The following ACBD7 variants were observed in gnomAD, a reference collection of about 807,000 sequenced individuals.
The protein encoded by ACBD7 is acyl-CoA-binding domain-containing protein 7.
A neutral mutation model predicts 13.7 loss-of-function variants in ACBD7; 11 were observed. The ratio of observed to expected loss-of-function variants is 0.80; its 90% confidence interval spans 0.50 to 1.33. The LOEUF (loss-of-function observed/expected upper bound fraction) is 1.33, where lower values mean the gene tolerates loss of function less well. Among genes scored for constraint, ACBD7 ranks in the 40% most tolerant of loss-of-function variants. The pLI, the probability that ACBD7 is intolerant of heterozygous loss-of-function variation, is 0.00. For missense variants in ACBD7, 111 were observed against 103.0 expected, an observed-to-expected ratio of 1.08 and a Z score of -0.33; for synonymous variants, 43 against 37.7, an observed-to-expected ratio of 1.14 and a Z score of -0.51.
At chr10:15,081,043 G>A (rs1004371396) in intron 1 of ACBD7, among the ~76,000 whole-genome samples, 2 of 152,134 alleles carry the variant, frequency 1.3e-5, no homozygotes, top group Non-Finnish European at 2.9e-5. Context: ...AGTACCCTGC[G>A]GGCTCAGCGG....
intron 1 of ACBD7, among the ~76,000 whole-genome samples, chr10:15,086,114 C>T (rs913894044): frequency 2.0e-5 from 3 of 151,996 alleles, no homozygotes; most frequent in Non-Finnish European, 4.4e-5. Context: ...TCAAGACCAG[C>T]CTGGCCAACA....
chr10:15,086,023 T>G (rs1235319383), intron 1 of ACBD7, among the ~76,000 whole-genome samples: 1 of 152,164 alleles, frequency 6.6e-6, no homozygotes, highest in Non-Finnish European at 1.5e-5. Context: ...AAAAGTTACT[T>G]TCAGCTGGGC....
intron 1 of ACBD7, among the ~76,000 whole-genome samples, chr10:15,086,896 C>G (rs1844815530): frequency 6.6e-6 from 1 of 151,966 alleles, no homozygotes. Flanking sequence ...GCCTGTAATC[C>G]CAGCTACTCA....
chr10:15,085,413 C>T (rs539430456), intron 1 of ACBD7, among the ~76,000 whole-genome samples: 23 of 152,320 alleles, frequency 1.5e-4, no homozygotes, highest in African/African-American at 5.1e-4. Flanking sequence ...TCTCACCTCA[C>T]CTGACTTTAC....
chr10:15,082,511 C>A (rs534122493), intron 1 of ACBD7, among the ~76,000 whole-genome samples: 1 of 152,142 alleles, frequency 6.6e-6, no homozygotes. Flanking sequence ...TCCAAATCTT[C>A]TATAATGTGC....
intron 1 of ACBD7, 51 bp from the exon 2 acceptor site, chr10:15,079,091 A>T: frequency 1.6e-6 from 2 of 1,274,102 alleles, no homozygotes; most frequent in South Asian, 2.6e-5. Context: ...CCACCAAGGA[A>T]TAGGAACTCA....
At position 15,085,236 on chromosome 10, in the gene ACBD7, C is replaced by G. The variant is rs548025930; in HGVS notation, c.12+3481G>C. Reference sequence around the variant, plus strand: ...GCCCCTCCCTGGACTCTCTCCTGTTCAACTTTTGACACTAGGCTCCCTCAC... The same window carrying G: ...GCCCCTCCCTGGACTCTCTCCTGTTGAACTTTTGACACTAGGCTCCCTCAC... On this transcript the variant is annotated intron_variant, in intron 1 of 3. Transcript: ENST00000356189. Among the ~76,000 whole-genome samples the G allele has an allele frequency of 1.3e-4, 20 of 152,342 alleles. No homozygotes were observed. The East Asian group carries it at 3.7e-3, about 28-fold the overall frequency.
Position 15,077,408 on chromosome 10 carries a change from G to C in ACBD7, c.*1122C>G, listed in dbSNP as rs1452084353. On this transcript the variant is annotated 3_prime_UTR_variant, in exon 4 of 4. Coordinates refer to ENST00000356189, the MANE Select transcript of ACBD7 (RefSeq NM_001039844.3). ...AAATACCACATGTTTTCACTTATAA[G>C]TGGGAGTTAAACAGGGTGTATACAG... 1.3e-5 allele frequency: 2 copies of C among 152,114 alleles called. No individual in the cohort carries two copies. The highest frequency in any genetic ancestry group is 2.9e-5 in the Non-Finnish European group (2 of 68,016). 9.4% of individuals were successfully genotyped at this position (152,114 alleles called of 1,614,324 possible).
intron 1 of ACBD7, among the ~76,000 whole-genome samples, chr10:15,085,567 G>C (rs546181872): frequency 6.6e-6 from 1 of 152,346 alleles, no homozygotes; most frequent in South Asian, 2.1e-4. Flanking sequence ...ACAAATGTGG[G>C]CTGGGGGAAG....
intron 1 of ACBD7, among the ~76,000 whole-genome samples, chr10:15,081,196 A>G (rs1589260360): frequency 6.6e-6 from 1 of 151,734 alleles, no homozygotes; most frequent in African/African-American, 2.4e-5. Context: ...CTAAAAGCAG[A>G]AAGAGCAAGT....
chr10:15,078,635 T>C (rs776477695), intron 3 of ACBD7, 32 bp from the exon 4 acceptor site: 2 of 1,614,018 alleles, frequency 1.2e-6, no homozygotes, highest in African/African-American at 1.3e-5. Flanking sequence ...ATCTCCCTGA[T>C]TGGTGCACTG....
At position 15,076,605 on chromosome 10, in the gene ACBD7, C is replaced by T. The variant is rs1844685237; in HGVS notation, c.*1925G>A. The T allele has an allele frequency of 1.5e-6, 1 of 653,774 alleles. No individual in the cohort carries two copies. 40.5% of individuals were successfully genotyped at this position (653,774 alleles called of 1,614,324 possible). A position where few individuals can be genotyped will look rare whatever the true frequency, so the allele number is the denominator to read the frequency against. On this transcript the variant is annotated 3_prime_UTR_variant, in exon 4 of 4. Coordinates refer to ENST00000356189, the MANE Select transcript of ACBD7 (RefSeq NM_001039844.3). ...GCAACCTCCATCTCCTGGGTAAAAG[C>T]AATTCTCCTGCCTCAGCCTCCCAAG... is the stretch of plus-strand genomic sequence containing the variant.
At chr10:15,087,416 C>T (rs1433830044) in intron 1 of ACBD7, among the ~76,000 whole-genome samples, 1 of 152,190 alleles carries the variant, frequency 6.6e-6, no homozygotes, top group South Asian at 2.1e-4. Flanking sequence ...CGCAGGATAA[C>T]GTCTTGCCTG....
intron 1 of ACBD7, among the ~76,000 whole-genome samples, chr10:15,087,636 G>GCTCC (rs2131400368): frequency 6.6e-6 from 1 of 152,264 alleles, no homozygotes; most frequent in East Asian, 1.9e-4. Context: ...AAAATAGCCA[G>GCTCC]GAGTGGCGGC....
chr10:15,079,108 A>G lies in ACBD7; in HGVS notation c.13-68T>C, dbSNP rs1191089412. On this transcript the variant is annotated intron_variant, in intron 1 of 3. Transcript: ENST00000356189. ...ACCAAGGAATAGGAACTCAAAGAGC[A>G]GGAAGAGGAAGGTTCCAAGTAGAAA... 3.2e-6 allele frequency: 3 copies of G among 952,114 alleles called. No individual in the cohort carries two copies. The Admixed American group carries it at 6.4e-5, about 20-fold the overall frequency. 59.0% of individuals were successfully genotyped at this position (952,114 alleles called of 1,614,324 possible).
chr10:15,082,654 G>A (rs183755852), intron 1 of ACBD7, among the ~76,000 whole-genome samples: 14 of 152,238 alleles, frequency 9.2e-5, no homozygotes, highest in Non-Finnish European at 1.6e-4. Context: ...TGTTCTGCTT[G>A]CTGTAAAGTC....
Position 15,078,431 on chromosome 10 carries a change from C to T in ACBD7, c.*99G>A. On this transcript the variant is annotated 3_prime_UTR_variant, in exon 4 of 4. Coordinates refer to ENST00000356189, the MANE Select transcript of ACBD7 (RefSeq NM_001039844.3). ...AGCTCATGCTAATAGCAAAAATATA[C>T]ATGATACATCAAGTTAACAGTATGC... 6.3e-7 allele frequency: 1 copy of T among 1,594,616 alleles called. No individual in the cohort carries two copies. Among genetic ancestry groups the T allele is most frequent in the Non-Finnish European group, 8.5e-7 (1 of 1,172,188 alleles).
rs1314856792 is a variant in ACBD7, at chr10:15,078,705, C to T, written c.179G>A (p.Trp60Ter). The stretch of plus-strand genomic sequence containing the variant: ...GACTAAAAAACCTTTTTTGAGGTTC[C>T]ATGCTTCCCATTTGGCTTTGCCTTT... ...DLKGKAKWEA[W>*]NLKKGLSTED... is the part of the protein sequence containing the mutation. Residue 60 changes from tryptophan to a stop codon, truncating the protein, a stop_gained, in exon 3 of 4, where the codon TGG becomes TAG. Coordinates refer to ENST00000356189, the MANE Select transcript of ACBD7 (RefSeq NM_001039844.3). LOFTEE classifies it high-confidence loss of function. The T allele has an allele frequency of 1.2e-6, 2 of 1,613,972 alleles. No individual in the cohort carries two copies. Among genetic ancestry groups the T allele is most frequent in the Non-Finnish European group, 1.7e-6 (2 of 1,179,974 alleles).
intron 1 of ACBD7, 110 bp downstream of exon 1, chr10:15,088,607 C>T (rs1323864700): frequency 4.2e-6 from 6 of 1,424,616 alleles, no homozygotes; most frequent in Admixed American, 2.2e-5. Flanking sequence ...GGGCGTGTCC[C>T]CCGGGTCACC....
Sources: allele counts gnomAD v4.1 joint callset (sites outside exome capture counted in the v4.1 genomes callset), GRCh38; gene constraint gnomAD v4.1.1; transcripts MANE v1.5; gene names NCBI Gene and HGNC (gene_info 2026-07-23, HGNC 2026-07-21).